Variants in ICA1 observed in about 807,000 individuals in gnomAD.
ICA1 encodes the protein 69 kDa islet cell autoantigen.
A neutral mutation model predicts 71.0 loss-of-function variants in ICA1; 40 were observed. That is an observed-to-expected ratio of 0.56 (90% CI 0.44 to 0.73). The LOEUF (loss-of-function observed/expected upper bound fraction) is 0.73, where lower values mean the gene tolerates loss of function less well. Ranked by LOEUF, ICA1 falls within the 30% of genes least tolerant of loss-of-function variation. The probability of loss-of-function intolerance (pLI) is 0.00; values close to 1 mark genes in which losing one functional copy is unlikely to be tolerated. For missense variants in ICA1, 578 were observed against 576.5 expected (o/e 1.00, Z -0.03); for synonymous variants, 207 against 209.5 (o/e 0.99, Z 0.10).
intron 6 of ICA1, among the ~76,000 whole-genome samples, chr7:8,204,713 CTT>C (rs1226454065): frequency 2.0e-5 from 3 of 152,152 alleles, no homozygotes; most frequent in Non-Finnish European, 4.4e-5. Flanking sequence ...AGTCTTTTGA[CTT>C]TTGCACAACT....
chr7:8,212,991 A>G (rs1794302314), intron 6 of ICA1, among the ~76,000 whole-genome samples: 1 of 152,232 alleles, frequency 6.6e-6, no homozygotes, highest in Non-Finnish European at 1.5e-5. Context: ...ATGTGAAAAC[A>G]GCAGGCTTTT....
At position 8,226,007 on chromosome 7, in the gene ICA1, GGTTA is replaced by G. The variant is rs1167665193; in HGVS notation, c.256+2590_256+2593del. 1.3e-5 allele frequency among the ~76,000 whole-genome samples: 2 copies of G among 151,954 alleles called. No homozygotes were observed. Among genetic ancestry groups the G allele is most frequent in the Non-Finnish European group, 2.9e-5 (2 of 67,984 alleles). On this transcript the variant is annotated intron_variant, in intron 4 of 13. Coordinates refer to ENST00000402384, the MANE Select transcript of ICA1 (RefSeq NM_001136020.3). The surrounding 1 kb of genome is among the most constrained non-coding windows in gnomAD (Gnocchi z 4.4). ...AATAATTATGTTCCAAAACTACTGA[GGTTA>G]GTTCTTTTTTTTTCTGATTCTGATC...
chr7:8,178,174 TG>T (rs1306759095), intron 6 of ICA1, among the ~76,000 whole-genome samples: 3 of 152,232 alleles, frequency 2.0e-5, no homozygotes, highest in Admixed American at 6.5e-5. Flanking sequence ...CCTTCCATGT[TG>T]TTCCCATTGG....
chr7:8,189,234 C>T (rs1784807295), intron 6 of ICA1, among the ~76,000 whole-genome samples: 1 of 152,104 alleles, frequency 6.6e-6, no homozygotes, highest in Non-Finnish European at 1.5e-5. Flanking sequence ...AGCATGTGCC[C>T]TGAGTAAAAT....
At chr7:8,154,388 A>G (rs1433365664) in intron 8 of ICA1, among the ~76,000 whole-genome samples, 1 of 152,230 alleles carries the variant, frequency 6.6e-6, no homozygotes, top group Non-Finnish European at 1.5e-5. Flanking sequence ...TGTTTAACAC[A>G]TTAATTATCA....
intron 1 of ICA1, among the ~76,000 whole-genome samples, chr7:8,246,065 C>T (rs1399593147): frequency 3.3e-5 from 5 of 152,228 alleles, no homozygotes; most frequent in Non-Finnish European, 7.3e-5. Context: ...CCTTATGAAA[C>T]AAGCCCAGAA....
chr7:8,228,044 C>T (rs1310525586), intron 4 of ICA1, among the ~76,000 whole-genome samples: 3 of 152,148 alleles, frequency 2.0e-5, no homozygotes, highest in Non-Finnish European at 4.4e-5. Context: ...AAATGACCTA[C>T]AAATGGAAAC....
At chr7:8,230,179 C>G (rs1264400393) in intron 3 of ICA1, among the ~76,000 whole-genome samples, 1 of 152,188 alleles carries the variant, frequency 6.6e-6, no homozygotes, top group Non-Finnish European at 1.5e-5. Context: ...TTACTTTTGT[C>G]TGTTATTGTA....
chr7:8,242,009 A>C (rs1484235322), intron 1 of ICA1, among the ~76,000 whole-genome samples: 1 of 152,194 alleles, frequency 6.6e-6, no homozygotes, highest in Non-Finnish European at 1.5e-5. Flanking sequence ...CAGATCAACG[A>C]GACAGAAGGT....
At chr7:8,165,683 T>C (rs1805654289) in intron 6 of ICA1, among the ~76,000 whole-genome samples, 1 of 76,340 alleles carries the variant, frequency 1.3e-5, no homozygotes, top group Admixed American at 1.6e-4. Context: ...AGTCTTAAAA[T>C]ATAAAATCAA....
At chr7:8,231,704 A>G (rs1484871390) in intron 3 of ICA1, among the ~76,000 whole-genome samples, 3 of 152,186 alleles carry the variant, frequency 2.0e-5, no homozygotes, top group Admixed American at 2.0e-4. Flanking sequence ...CAGCCTTAAC[A>G]TTACAAAGTT....
intron 13 of ICA1, among the ~76,000 whole-genome samples, chr7:8,122,413 G>C (rs1006487866): frequency 6.6e-6 from 1 of 152,240 alleles, no homozygotes; most frequent in African/African-American, 2.4e-5. Context: ...TTGATTCCCT[G>C]TTCTATAAAA....
chr7:8,208,611 A>C (rs947291428), intron 6 of ICA1, among the ~76,000 whole-genome samples: 1 of 152,342 alleles, frequency 6.6e-6, no homozygotes, highest in Admixed American at 6.5e-5. Context: ...AAAAGAAGAA[A>C]GTAATCTAGA....
intron 1 of ICA1, among the ~76,000 whole-genome samples, chr7:8,261,206 C>G (rs188703886): frequency 2.0e-5 from 3 of 152,274 alleles, no homozygotes; most frequent in Admixed American, 2.0e-4. Flanking sequence ...CTAACTCTCC[C>G]CAACCAGGCA....
chr7:8,219,470 C>G (rs997867100), intron 5 of ICA1, among the ~76,000 whole-genome samples: 3 of 152,188 alleles, frequency 2.0e-5, no homozygotes, highest in African/African-American at 7.2e-5. Context: ...GCGTGTAGCA[C>G]GGTAAGATTA....
At chr7:8,256,724 G>C (rs1482573097) in intron 1 of ICA1, among the ~76,000 whole-genome samples, 2 of 152,130 alleles carry the variant, frequency 1.3e-5, no homozygotes. Flanking sequence ...TCCTGCACTA[G>C]ACTGTAGGTC....
chr7:8,125,604 T>A (rs772277360), intron 13 of ICA1, among the ~76,000 whole-genome samples: 2 of 152,230 alleles, frequency 1.3e-5, no homozygotes, highest in Non-Finnish European at 2.9e-5. Flanking sequence ...ACTATGCGAT[T>A]TGCTTATTAT....
intron 6 of ICA1, among the ~76,000 whole-genome samples, chr7:8,159,793 C>T (rs1803062978): frequency 6.6e-6 from 1 of 152,272 alleles, no homozygotes; most frequent in Admixed American, 6.5e-5. Flanking sequence ...ATAGTGTCAA[C>T]ACAGCATATT....
At chr7:8,214,926 CA>C (rs1392358846) in intron 6 of ICA1, among the ~76,000 whole-genome samples, 1 of 152,196 alleles carries the variant, frequency 6.6e-6, no homozygotes, top group African/African-American at 2.4e-5. Flanking sequence ...AAGAGCTCAG[CA>C]ATTAAAGTGG....
Sources: gnomAD v4.1 joint callset for allele counts (sites outside exome capture counted in the v4.1 genomes callset) on GRCh38, gnomAD v4.1.1 for gene constraint, Gnocchi (gnomAD v3.1) non-coding constraint, MANE v1.5 for transcripts, NCBI Gene and HGNC (gene_info 2026-07-23, HGNC 2026-07-21) for gene names.